TMEM108: variants seen among roughly 807,000 people sequenced by gnomAD.
TMEM108 encodes transmembrane protein 108.
TMEM108 carries 12 observed loss-of-function variants against 35.1 expected under a neutral mutation model. The ratio of observed to expected loss-of-function variants is 0.34; its 90% confidence interval spans 0.22 to 0.55. The LOEUF (loss-of-function observed/expected upper bound fraction) is 0.55. Ranked by LOEUF, TMEM108 falls within the 20% of genes least tolerant of loss-of-function variation. The pLI is 0.89. For synonymous variants in TMEM108, 287 were observed against 308.6 expected (o/e 0.93, Z 0.73); for missense variants, 680 against 753.3 (o/e 0.90, Z 1.14).
intron 2 of TMEM108, among the ~76,000 whole-genome samples, chr3:133,184,415 T>C (rs1945391113): frequency 6.6e-6 from 1 of 152,232 alleles, no homozygotes; most frequent in South Asian, 2.1e-4. Context: ...CATCCTCTAA[T>C]GTATCAGCTA....
At chr3:133,178,908 C>T (rs565221005) in intron 2 of TMEM108, among the ~76,000 whole-genome samples, 7 of 152,202 alleles carry the variant, frequency 4.6e-5, no homozygotes, top group African/African-American at 1.7e-4. Flanking sequence ...GCAATCTACT[C>T]ATCTGACAAA....
chr3:133,162,645 T>C (rs1266111572), intron 2 of TMEM108, among the ~76,000 whole-genome samples: 1 of 152,250 alleles, frequency 6.6e-6, no homozygotes, highest in African/African-American at 2.4e-5. Flanking sequence ...GATGTGGTCT[T>C]GGGAAAGCAG....
chr3:133,249,683 A>G lies in TMEM108; in HGVS notation c.40+20332A>G, dbSNP rs1440055696. ...GTATAGTATTCCATGGTGTACATGT[A>G]CCACGTTTTCCTTATCCAGTCCACT... On this transcript the variant is annotated intron_variant, in intron 3 of 5. Transcript: ENST00000321871. Among the ~76,000 whole-genome samples the G allele has an allele frequency of 2.6e-5, 4 of 152,272 alleles. No homozygotes were observed. The South Asian group carries it at 8.3e-4, about 32-fold the overall frequency.
At chr3:133,097,442 G>A (rs937047145) in intron 2 of TMEM108, among the ~76,000 whole-genome samples, 4 of 152,174 alleles carry the variant, frequency 2.6e-5, no homozygotes, top group Non-Finnish European at 4.4e-5. Context: ...AGGAGTTGTT[G>A]ATAATAACCC....
intron 2 of TMEM108, among the ~76,000 whole-genome samples, chr3:133,199,249 G>A (rs1161694645): frequency 3.3e-5 from 5 of 152,116 alleles, no homozygotes; most frequent in South Asian, 2.1e-4. Context: ...CCTTTAGCTC[G>A]GAGAAGTTTG....
At chr3:133,082,545 A>G (rs140726914) in intron 2 of TMEM108, among the ~76,000 whole-genome samples, 123 of 152,280 alleles carry the variant, frequency 8.1e-4, no homozygotes, top group Admixed American at 2.9e-3. Flanking sequence ...CTTTTGTCAT[A>G]GTGTATTAAT....
chr3:133,361,720 A>G (rs1355210932), intron 3 of TMEM108, among the ~76,000 whole-genome samples: 1 of 152,110 alleles, frequency 6.6e-6, no homozygotes, highest in East Asian at 1.9e-4. Flanking sequence ...TCTCTCAAGC[A>G]TGGCAGCTTC....
At chr3:133,055,623 C>T (rs1357814987) in intron 2 of TMEM108, among the ~76,000 whole-genome samples, 1 of 152,204 alleles carries the variant, frequency 6.6e-6, no homozygotes, top group African/African-American at 2.4e-5. Context: ...CTGCCCTATT[C>T]TTCCTATGAA....
intron 2 of TMEM108, among the ~76,000 whole-genome samples, chr3:133,048,272 A>G (rs1943363280): frequency 6.6e-6 from 1 of 152,230 alleles, no homozygotes; most frequent in Admixed American, 6.5e-5. Flanking sequence ...CTGCTAGTCC[A>G]GATCAGTTTT....
At chr3:133,167,476 T>G (rs1235340906) in intron 2 of TMEM108, among the ~76,000 whole-genome samples, 1 of 152,242 alleles carries the variant, frequency 6.6e-6, no homozygotes, top group Non-Finnish European at 1.5e-5. Flanking sequence ...GCTCGGGCCG[T>G]GCAGGAGCCC....
At chr3:133,347,467 A>G (rs945279581) in intron 3 of TMEM108, among the ~76,000 whole-genome samples, 2 of 152,102 alleles carry the variant, frequency 1.3e-5, no homozygotes, top group African/African-American at 4.8e-5. Context: ...GATGGTATAT[A>G]GAAAACCAAC....
At chr3:133,064,394 A>G (rs1244609809) in intron 2 of TMEM108, among the ~76,000 whole-genome samples, 75 of 152,224 alleles carry the variant, frequency 4.9e-4, no homozygotes, top group Non-Finnish European at 7.3e-5. Context: ...TTGTGGACAG[A>G]TGCGTGGGTC....
intron 3 of TMEM108, among the ~76,000 whole-genome samples, chr3:133,319,036 C>T (rs1366819810): frequency 6.6e-6 from 1 of 152,028 alleles, no homozygotes; most frequent in African/African-American, 2.4e-5. Context: ...AGAGATTGGC[C>T]TCACCAAATG....
At chr3:133,337,760 G>C (rs2071540239) in intron 3 of TMEM108, among the ~76,000 whole-genome samples, 1 of 152,158 alleles carries the variant, frequency 6.6e-6, no homozygotes, top group South Asian at 2.1e-4. Context: ...ATTTCAGACA[G>C]AGAATTCAAA....
At chr3:133,133,394 G>T (rs1437041540) in intron 2 of TMEM108, among the ~76,000 whole-genome samples, 1 of 152,280 alleles carries the variant, frequency 6.6e-6, no homozygotes, top group East Asian at 1.9e-4. Context: ...TTTAATTAAG[G>T]TATGTACTTT....
intron 2 of TMEM108, among the ~76,000 whole-genome samples, chr3:133,114,675 C>A (rs1435099749): frequency 6.6e-6 from 1 of 152,064 alleles, no homozygotes; most frequent in Non-Finnish European, 1.5e-5. Flanking sequence ...TGTATTCAGG[C>A]CACGGTTACC....
intron 2 of TMEM108, among the ~76,000 whole-genome samples, chr3:133,189,691 A>T (rs1424246260): frequency 1.3e-5 from 2 of 152,202 alleles, no homozygotes; most frequent in African/African-American, 4.8e-5. Context: ...ATGCCCCTTG[A>T]CTGTATTCCA....
chr3:133,156,397 T>C (rs577858325), intron 2 of TMEM108, among the ~76,000 whole-genome samples: 1 of 152,310 alleles, frequency 6.6e-6, no homozygotes, highest in East Asian at 1.9e-4. Flanking sequence ...TAACATTTAA[T>C]GAATAGTACA....
intron 3 of TMEM108, among the ~76,000 whole-genome samples, chr3:133,285,833 C>G (rs993040460): frequency 2.6e-5 from 4 of 152,116 alleles, no homozygotes; most frequent in African/African-American, 9.7e-5. Context: ...CCTTTCTGTT[C>G]GTTCTGGCCC....
Sources: allele counts gnomAD v4.1 joint callset (sites outside exome capture counted in the v4.1 genomes callset), GRCh38; gene constraint gnomAD v4.1.1; transcripts MANE v1.5; gene names NCBI Gene and HGNC (gene_info 2026-07-23, HGNC 2026-07-21).